The following MYO10 variants were observed in gnomAD, a reference collection of about 807,000 sequenced individuals.
MYO10 encodes the protein myosin X.
In MYO10, 133 loss-of-function variants were observed where a neutral mutation model predicts 257.3. The ratio of observed to expected loss-of-function variants is 0.52; its 90% CI spans 0.45 to 0.60. The LOEUF is 0.60. Ranked by LOEUF, MYO10 falls within the 20% of genes least tolerant of loss-of-function variation. The pLI is 0.00. For synonymous variants in MYO10, 1,104 were observed against 1,028.6 expected (o/e 1.07, Z -1.40); for missense variants, 2,399 against 2,635.7 (o/e 0.91, Z 1.97).
intron 1 of MYO10, among the ~76,000 whole-genome samples, chr5:16,891,369 A>AGAG (rs761621899): frequency 6.4e-5 from 6 of 94,354 alleles, no homozygotes; most frequent in African/African-American, 8.4e-5. Flanking sequence ...GGAAGGAAGG[A>AGAG]AGGAAGGAAG....
intron 3 of MYO10, among the ~76,000 whole-genome samples, chr5:16,809,644 G>T (rs1196120286): frequency 1.3e-5 from 2 of 152,172 alleles, no homozygotes; most frequent in Admixed American, 1.3e-4. Flanking sequence ...TTGCAGATTT[G>T]GGCTGGAATG....
intron 3 of MYO10, chr5:16,815,404 G>A (rs184909825): frequency 1.4e-6 from 1 of 695,586 alleles, no homozygotes; most frequent in East Asian, 2.7e-5. Flanking sequence ...AAAATGTCTT[G>A]GATTTTGAAG....
At chr5:16,768,260 T>C (rs1386949390) in intron 10 of MYO10, among the ~76,000 whole-genome samples, 2 of 152,154 alleles carry the variant, frequency 1.3e-5, no homozygotes, top group Non-Finnish European at 2.9e-5. Flanking sequence ...AGCTATATGG[T>C]AACTCATTTT....
chr5:16,876,371 C>A (rs1287665407), intron 2 of MYO10, among the ~76,000 whole-genome samples: 1 of 152,058 alleles, frequency 6.6e-6, no homozygotes, highest in Non-Finnish European at 1.5e-5. Context: ...TCATTTTACA[C>A]TAAAGAAACA....
intron 2 of MYO10, among the ~76,000 whole-genome samples, chr5:16,841,145 C>CAA (rs76124360): frequency 2.6e-4 from 25 of 94,530 alleles, no homozygotes; most frequent in Admixed American, 1.7e-3. Context: ...AAATGCATCT[C>CAA]AAAAAAAAAA....
rs56352251 is a variant in MYO10, at chr5:16,684,728, T to TATGTGC, written c.3991-794_3991-793insGCACAT. Among the ~76,000 whole-genome samples, 671 of 151,910 alleles carry TATGTGC rather than the reference T, an allele frequency of 4.4e-3. 10 individuals are homozygous for TATGTGC. The highest frequency in any genetic ancestry group is 0.016 in the African/African-American group (655 of 41,384). Reference sequence around the variant, plus strand: ...CAAAGCAGGGTTTTGTAACTTTGTGTCTGGGATAGAGGGAAGACAAAGAAT... The same window carrying TATGTGC: ...CAAAGCAGGGTTTTGTAACTTTGTGTATGTGCCTGGGATAGAGGGAAGACAAAGAAT... On this transcript the variant is annotated intron_variant, in intron 29 of 40. Transcript: ENST00000513610.
intron 19 of MYO10, among the ~76,000 whole-genome samples, chr5:16,720,559 T>G (rs1002650053): frequency 6.6e-6 from 1 of 152,180 alleles, no homozygotes; most frequent in Admixed American, 6.5e-5. Context: ...GTTCAAGCAA[T>G]TCTCCTGCCT....
At chr5:16,768,082 T>C (rs193190152) in intron 10 of MYO10, among the ~76,000 whole-genome samples, 19 of 152,268 alleles carry the variant, frequency 1.2e-4, no homozygotes, top group Middle Eastern at 3.4e-3. Context: ...AGGTGCTGGG[T>C]AGAACCAGAC....
intron 3 of MYO10, among the ~76,000 whole-genome samples, chr5:16,797,918 C>G (rs147129233): frequency 1.3e-5 from 2 of 152,284 alleles, no homozygotes; most frequent in East Asian, 3.9e-4. Context: ...GCCATTGTAA[C>G]AGTATTAGGA....
Position 16,674,833 on chromosome 5 carries a change from C to A in MYO10, c.4964+20G>T. 6.2e-7 allele frequency: 1 copy of A among 1,613,214 alleles called. No individual in the cohort carries two copies. Among genetic ancestry groups the A allele is most frequent in the Non-Finnish European group, 8.5e-7 (1 of 1,179,602 alleles). ...GTAAGCAGCTCTGCCCAGCTCATCT[C>A]CCGTGCCCCCATGCTTTACCTTTTC... On this transcript the variant is annotated intron_variant, in intron 35 of 40. Transcript: ENST00000513610.
intron 17 of MYO10, among the ~76,000 whole-genome samples, chr5:16,759,137 G>C (rs374794504): frequency 6.6e-6 from 1 of 152,122 alleles, no homozygotes; most frequent in African/African-American, 2.4e-5. Flanking sequence ...TGGCCAGGCT[G>C]GTCTTGAACT....
rs184330961 is a variant in MYO10 at position 16,759,845 on chromosome 5, T to C, written c.1739+1619A>G. Among the ~76,000 whole-genome samples the C allele has an allele frequency of 2.6e-5, 4 of 152,312 alleles. No homozygotes were observed. The East Asian group carries it at 7.7e-4, about 29-fold the overall frequency. ...AAATAAAATAGCTAACAATGTTGTA[T>C]ATAGTGAACCCTCACATAGAAGAGT... On this transcript the variant is annotated intron_variant, in intron 17 of 40. Transcript: ENST00000513610.
At chr5:16,875,819 TCAATTCATAAACTA>T in intron 2 of MYO10, among the ~76,000 whole-genome samples, 1 of 152,080 alleles carries the variant, frequency 6.6e-6, no homozygotes, top group African/African-American at 2.4e-5. Flanking sequence ...ACTTACAAAC[TCAATTCATAAACTA>T]TGTGGTTTTG....
At chr5:16,696,394 C>G (rs866032045) in intron 26 of MYO10, among the ~76,000 whole-genome samples, 2 of 152,124 alleles carry the variant, frequency 1.3e-5, no homozygotes, top group East Asian at 1.9e-4. Context: ...AACTTTTTGG[C>G]TCTGCTTTAA....
At chr5:16,704,010 G>A (rs1399059618) in intron 22 of MYO10, among the ~76,000 whole-genome samples, 1 of 151,712 alleles carries the variant, frequency 6.6e-6, no homozygotes, top group Non-Finnish European at 1.5e-5. Flanking sequence ...ACCTGACGCA[G>A]AGGAAGTAAG....
chr5:16,754,223 T>C (rs376258701), intron 19 of MYO10, among the ~76,000 whole-genome samples: 2 of 152,192 alleles, frequency 1.3e-5, no homozygotes, highest in African/African-American at 2.4e-5. Context: ...TCTAACACTA[T>C]AGTTTCTTTG....
intron 35 of MYO10, 63 bp downstream of exon 35, chr5:16,674,790 A>C: frequency 6.4e-7 from 1 of 1,567,640 alleles, no homozygotes; most frequent in Non-Finnish European, 8.7e-7. Context: ...CTGAACGAGG[A>C]CCCAGTGCCC....
At chr5:16,695,382 C>A (rs999606293) in intron 26 of MYO10, among the ~76,000 whole-genome samples, 1 of 152,056 alleles carries the variant, frequency 6.6e-6, no homozygotes, top group African/African-American at 2.4e-5. Context: ...GGTCAATGTG[C>A]GAACAAGAAT....
intron 1 of MYO10, among the ~76,000 whole-genome samples, chr5:16,897,121 G>A (rs1745240976): frequency 6.6e-6 from 1 of 152,008 alleles, no homozygotes; most frequent in Non-Finnish European, 1.5e-5. Context: ...ACACCTCTGT[G>A]GCTATGATTT....
Sources: allele counts gnomAD v4.1 joint callset (sites outside exome capture counted in the v4.1 genomes callset), GRCh38; gene constraint gnomAD v4.1.1; transcripts MANE v1.5; gene names NCBI Gene and HGNC (gene_info 2026-07-23, HGNC 2026-07-21).